VMP1: variants seen among roughly 807,000 people sequenced by gnomAD.
The protein encoded by VMP1 is vacuole membrane protein 1, also known as ectopic P-granules autophagy protein 3 homolog.
Under a neutral mutation model 56.0 loss-of-function variants are expected in VMP1, and 11 were observed. That is an observed-to-expected ratio of 0.20 (90% confidence interval 0.12 to 0.32). The LOEUF (loss-of-function observed/expected upper bound fraction) is 0.32. VMP1 is among the 10% of genes least tolerant of loss of function. The probability of loss-of-function intolerance (pLI) is 1.00; values close to 1 mark genes in which losing one functional copy is unlikely to be tolerated. For synonymous variants in VMP1, 149 were observed against 165.0 expected (o/e 0.90, Z 0.74); for missense variants, 296 against 490.3 (o/e 0.60, Z 3.74).
chr17:59,759,903 G>GTTTTTTTTTTTTTTTTTTTTTGTT (rs58618508), intron 5 of VMP1, among the ~76,000 whole-genome samples: 7 of 97,960 alleles, frequency 7.1e-5, no homozygotes, highest in East Asian at 2.7e-4. Flanking sequence ...GTTTTTTGGT[G>GTTTTTTTTTTTTTTTTTTTTTGTT]TTTTTTTTTT....
chr17:59,765,727 C>T lies in VMP1; in HGVS notation c.582+589C>T, dbSNP rs113890961. ...GGAGGGAAAGAAGGGGTTGGTCTTG[C>T]TGTCTTAGGGGTGGCACAGGCAAAG... On this transcript the variant is annotated intron_variant, in intron 6 of 11. Coordinates refer to ENST00000262291, the MANE Select transcript of VMP1 (RefSeq NM_030938.5). Among the ~76,000 whole-genome samples the T allele has an allele frequency of 3.9e-3, 588 of 152,026 alleles. 2 individuals carry two copies. Among genetic ancestry groups the T allele is most frequent in the Middle Eastern group, 0.017 (5 of 294 alleles).
intron 7 of VMP1, among the ~76,000 whole-genome samples, chr17:59,784,186 G>T (rs1427320391): frequency 6.6e-6 from 1 of 151,302 alleles, no homozygotes; most frequent in Non-Finnish European, 1.5e-5. Flanking sequence ...GAGGGAGAGA[G>T]ATTTCTTTTA....
chr17:59,830,263 A>C (rs1413916943), intron 10 of VMP1, among the ~76,000 whole-genome samples: 1 of 152,034 alleles, frequency 6.6e-6, no homozygotes, highest in Non-Finnish European at 1.5e-5. Context: ...AGGTCTCACT[A>C]TATTGCCCAG....
intron 5 of VMP1, among the ~76,000 whole-genome samples, chr17:59,752,361 G>A (rs573765048): frequency 1.3e-5 from 2 of 152,324 alleles, no homozygotes; most frequent in South Asian, 4.1e-4. Context: ...CACCGGAAGA[G>A]ACATAGTGAG....
At chr17:59,782,300 CTTTT>C (rs146242913) in intron 7 of VMP1, among the ~76,000 whole-genome samples, 19,215 of 151,994 alleles carry the variant, frequency 0.13, 1,445 homozygotes, top group Middle Eastern at 0.22. Context: ...AGGAATCTAA[CTTTT>C]TTCTTTCTTA....
At chr17:59,711,135 C>CAA (rs34251771) in intron 1 of VMP1, among the ~76,000 whole-genome samples, 333 of 140,736 alleles carry the variant, frequency 2.4e-3, no homozygotes, top group Middle Eastern at 3.6e-3. Context: ...TTTGCTCTTA[C>CAA]AAAAAAAAAA....
intron 7 of VMP1, among the ~76,000 whole-genome samples, chr17:59,785,807 A>G (rs2036989155): frequency 6.6e-6 from 1 of 152,014 alleles, no homozygotes; most frequent in African/African-American, 2.4e-5. Flanking sequence ...TTTAGGTTGA[A>G]TATTTCCTCA....
intron 6 of VMP1, among the ~76,000 whole-genome samples, chr17:59,767,123 GT>G (rs908169495): frequency 2.7e-3 from 381 of 142,744 alleles, no homozygotes; most frequent in African/African-American, 6.3e-3. Context: ...ACCATTTGAG[GT>G]TTTTTTTTTT....
chr17:59,718,033 C>G (rs1365329441), intron 1 of VMP1, among the ~76,000 whole-genome samples: 1 of 151,918 alleles, frequency 6.6e-6, no homozygotes, highest in Non-Finnish European at 1.5e-5. Flanking sequence ...AGTTGAGGAA[C>G]TTTTTAGGCC....
rs1298159106 is a variant in VMP1, at chr17:59,747,557, G to A, written c.414+8610G>A. ...AGCAGGTAGCTGGGATTACAGTCGC[G>A]TGCCACTACCGCCCAGCTAATTTTT... On this transcript the variant is annotated intron_variant, in intron 5 of 11. Coordinates refer to ENST00000262291, the MANE Select transcript of VMP1 (RefSeq NM_030938.5). 2.6e-5 allele frequency among the ~76,000 whole-genome samples: 4 copies of A among 151,414 alleles called. 1 individual carries two copies. The highest frequency in any genetic ancestry group is 4.2e-4 in the South Asian group (2 of 4,794).
intron 5 of VMP1, among the ~76,000 whole-genome samples, chr17:59,759,903 G>GTTTTTTTTTTTTTTTTTTTTTGTTT (rs58618508): frequency 6.1e-5 from 6 of 97,932 alleles, no homozygotes; most frequent in Non-Finnish European, 1.2e-4. Flanking sequence ...GTTTTTTGGT[G>GTTTTTTTTTTTTTTTTTTTTTGTTT]TTTTTTTTTT....
intron 7 of VMP1, among the ~76,000 whole-genome samples, chr17:59,785,307 C>A (rs760130202): frequency 7.9e-5 from 12 of 152,260 alleles, no homozygotes; most frequent in Middle Eastern, 3.4e-3. Context: ...TTTCCTACTT[C>A]TTATTATTGC....
At chr17:59,756,060 G>A (rs980990912) in intron 5 of VMP1, among the ~76,000 whole-genome samples, 1 of 152,152 alleles carries the variant, frequency 6.6e-6, no homozygotes, top group Non-Finnish European at 1.5e-5. Context: ...GTAGAGACCA[G>A]AGGCATAACT....
intron 7 of VMP1, among the ~76,000 whole-genome samples, chr17:59,784,142 T>TGTGTGTGTGAGAGAGA (rs556387089): frequency 1.0e-4 from 13 of 130,460 alleles, no homozygotes; most frequent in African/African-American, 3.9e-4. Flanking sequence ...TGTGTGTGTG[T>TGTGTGTGTGAGAGAGA]GAGAGAGAGA....
intron 5 of VMP1, among the ~76,000 whole-genome samples, chr17:59,750,388 G>C (rs1012723016): frequency 4.0e-5 from 6 of 149,704 alleles, no homozygotes; most frequent in Non-Finnish European, 5.9e-5. Context: ...TGCAACCTCT[G>C]CCTCCTGGGT....
At chr17:59,829,324 G>C (rs1278370716) in intron 10 of VMP1, among the ~76,000 whole-genome samples, 4 of 152,194 alleles carry the variant, frequency 2.6e-5, no homozygotes, top group South Asian at 2.1e-4. Flanking sequence ...GAGTCAGCAT[G>C]ATGGCCTTTG....
At chr17:59,790,487 C>T (rs942050448) in intron 7 of VMP1, among the ~76,000 whole-genome samples, 20 of 152,082 alleles carry the variant, frequency 1.3e-4, no homozygotes, top group Middle Eastern at 3.2e-3. Context: ...TTAAATTTAC[C>T]TCTCTGAAGG....
intron 1 of VMP1, among the ~76,000 whole-genome samples, chr17:59,718,163 C>A (rs547222455): frequency 1.3e-4 from 19 of 147,208 alleles, no homozygotes; most frequent in African/African-American, 1.8e-4. Flanking sequence ...TGACTGACTT[C>A]CTTTCTTCCT....
intron 5 of VMP1, among the ~76,000 whole-genome samples, chr17:59,751,350 A>ATAG (rs2035635088): frequency 6.6e-6 from 1 of 152,176 alleles, no homozygotes; most frequent in African/African-American, 2.4e-5. Context: ...CAGAGTAAGA[A>ATAG]TAGTAAGTCA....
Sources: gnomAD v4.1 joint callset for allele counts (sites outside exome capture counted in the v4.1 genomes callset) on GRCh38, gnomAD v4.1.1 for gene constraint, MANE v1.5 for transcripts, NCBI Gene and HGNC (gene_info 2026-07-23, HGNC 2026-07-21) for gene names.